TMEM135: variants seen among roughly 807,000 people sequenced by gnomAD.
The protein encoded by TMEM135 is peroxisomal membrane protein 52.
TMEM135 carries 30 observed loss-of-function variants against 60.3 expected under a neutral mutation model. The observed-to-expected ratio is 0.50, with a 90% CI of 0.37 to 0.68. TMEM135 has a LOEUF of 0.68. Ranked by LOEUF, TMEM135 falls within the 30% of genes least tolerant of loss-of-function variation. The pLI is 0.00. For missense variants in TMEM135, 468 were observed against 548.8 expected (o/e 0.85, Z 1.47); for synonymous variants, 190 against 186.7 (o/e 1.02, Z -0.14).
chr11:87,174,979 A>C (rs1003483091), intron 5 of TMEM135, among the ~76,000 whole-genome samples: 2 of 152,160 alleles, frequency 1.3e-5, no homozygotes, highest in East Asian at 3.8e-4. Context: ...GCCACTGGTC[A>C]TCACTTTCAG....
At chr11:87,063,480 T>A (rs947982962) in intron 1 of TMEM135, among the ~76,000 whole-genome samples, 2 of 152,236 alleles carry the variant, frequency 1.3e-5, no homozygotes, top group Non-Finnish European at 2.9e-5. Flanking sequence ...TGAGTGCAAG[T>A]GCTATTGTAA....
At chr11:87,197,318 C>T (rs544883573) in intron 5 of TMEM135, among the ~76,000 whole-genome samples, 6 of 152,046 alleles carry the variant, frequency 3.9e-5, no homozygotes, top group African/African-American at 9.6e-5. Context: ...AATTCTAATT[C>T]GGCATAAAGG....
chr11:87,084,795 G>T (rs1857061934), intron 3 of TMEM135, among the ~76,000 whole-genome samples: 1 of 152,226 alleles, frequency 6.6e-6, no homozygotes, highest in South Asian at 2.1e-4. Context: ...CTAATCTAGT[G>T]ACTCTCAGTA....
At chr11:87,182,670 G>T (rs1939548479) in intron 5 of TMEM135, among the ~76,000 whole-genome samples, 1 of 152,080 alleles carries the variant, frequency 6.6e-6, no homozygotes, top group Non-Finnish European at 1.5e-5. Context: ...TGGAAGATCA[G>T]ATTTCCTTTA....
intron 5 of TMEM135, among the ~76,000 whole-genome samples, chr11:87,169,875 G>C (rs1467238637): frequency 2.0e-5 from 3 of 151,972 alleles, no homozygotes; most frequent in Non-Finnish European, 4.4e-5. Flanking sequence ...AGTTCTTCTG[G>C]GTAATATCCT....
In TMEM135 at chr11:87,325,779, T is replaced by C; in HGVS notation, c.*4446T>C. On this transcript the variant is annotated 3_prime_UTR_variant, in exon 15 of 15. Coordinates refer to ENST00000305494, the MANE Select transcript of TMEM135 (RefSeq NM_022918.4). ...TTGCACAGATATGGAAGGAGATGTTTCTCTGTATGTGAAGCCTTTAAATCC... is the reference window on the plus strand; with the variant it reads ...TTGCACAGATATGGAAGGAGATGTTCCTCTGTATGTGAAGCCTTTAAATCC... 2.2e-6 allele frequency: 1 copy of C among 454,040 alleles called. No individual in the cohort carries two copies. 28.1% of individuals were successfully genotyped at this position (454,040 alleles called of 1,614,324 possible).
At chr11:87,128,372 C>T (rs1816860494) in intron 4 of TMEM135, among the ~76,000 whole-genome samples, 1 of 152,092 alleles carries the variant, frequency 6.6e-6, no homozygotes, top group Non-Finnish European at 1.5e-5. Flanking sequence ...CTGTTTCAAC[C>T]TTCTGCGTGT....
chr11:87,270,509 G>A (rs933434577), intron 6 of TMEM135, among the ~76,000 whole-genome samples: 5 of 152,182 alleles, frequency 3.3e-5, no homozygotes, highest in Non-Finnish European at 7.4e-5. Context: ...ATAGCATTCA[G>A]TAGGTTGTCT....
intron 5 of TMEM135, among the ~76,000 whole-genome samples, chr11:87,201,998 ATGTTATGTTATGTAATGT>A (rs1940107432): frequency 2.4e-5 from 2 of 82,914 alleles, no homozygotes; most frequent in African/African-American, 1.3e-4. Flanking sequence ...ATGTTATGTT[ATGTTATGTTATGTAATGT>A]TATGTTATGT....
intron 6 of TMEM135, among the ~76,000 whole-genome samples, chr11:87,284,374 GA>G (rs1942125547): frequency 6.6e-6 from 1 of 152,196 alleles, no homozygotes; most frequent in Non-Finnish European, 1.5e-5. Context: ...TTTGGAACAT[GA>G]CCTTCCTAGT....
At chr11:87,306,057 ATTAT>A (rs751230098) in intron 9 of TMEM135, 52 bp downstream of exon 9, 93 of 1,045,182 alleles carry the variant, frequency 8.9e-5, no homozygotes, top group East Asian at 4.2e-4. Flanking sequence ...GGGTATAGAA[ATTAT>A]TTATTTATTT....
At chr11:87,188,878 T>A (rs1210856112) in intron 5 of TMEM135, among the ~76,000 whole-genome samples, 1 of 152,204 alleles carries the variant, frequency 6.6e-6, no homozygotes, top group Non-Finnish European at 1.5e-5. Flanking sequence ...TGTTTTGTAT[T>A]CATCTTCACA....
At chr11:87,228,914 T>C (rs1163017482) in intron 5 of TMEM135, among the ~76,000 whole-genome samples, 1 of 152,172 alleles carries the variant, frequency 6.6e-6, no homozygotes, top group Non-Finnish European at 1.5e-5. Context: ...GTTTCTTTGC[T>C]ACTGCTTGTG....
intron 4 of TMEM135, among the ~76,000 whole-genome samples, chr11:87,153,004 C>T (rs1938597216): frequency 6.6e-6 from 1 of 152,102 alleles, no homozygotes; most frequent in Non-Finnish European, 1.5e-5. Flanking sequence ...ACCTCTTCTC[C>T]AGTTCTCCAC....
chr11:87,099,207 C>G (rs1857398055), intron 4 of TMEM135, among the ~76,000 whole-genome samples: 1 of 152,042 alleles, frequency 6.6e-6, no homozygotes, highest in African/African-American at 2.4e-5. Context: ...AGTAAACTTA[C>G]TAAAACTTTT....
At chr11:87,134,318 T>G (rs917246885) in intron 4 of TMEM135, among the ~76,000 whole-genome samples, 10 of 152,134 alleles carry the variant, frequency 6.6e-5, no homozygotes, top group Non-Finnish European at 1.3e-4. Flanking sequence ...AAGGAGCTCG[T>G]TTTAACTTAA....
chr11:87,192,492 A>C (rs952277840), intron 5 of TMEM135, among the ~76,000 whole-genome samples: 4 of 152,188 alleles, frequency 2.6e-5, no homozygotes, highest in African/African-American at 9.7e-5. Flanking sequence ...AGTTCTTTAA[A>C]GAGAAGTAAA....
chr11:87,216,497 A>G (rs1371096133), intron 5 of TMEM135, among the ~76,000 whole-genome samples: 1 of 152,150 alleles, frequency 6.6e-6, no homozygotes, highest in Non-Finnish European at 1.5e-5. Context: ...ACCAGGAACT[A>G]CTATGTAACA....
intron 3 of TMEM135, among the ~76,000 whole-genome samples, chr11:87,085,257 C>T (rs989563799): frequency 6.6e-5 from 10 of 152,076 alleles, no homozygotes; most frequent in Non-Finnish European, 8.8e-5. Context: ...ATATTCTCTC[C>T]GGGTCTGAAT....
Sources: gnomAD v4.1 joint callset for allele counts (sites outside exome capture counted in the v4.1 genomes callset) on GRCh38, gnomAD v4.1.1 for gene constraint, MANE v1.5 for transcripts, NCBI Gene and HGNC (gene_info 2026-07-23, HGNC 2026-07-21) for gene names.